CSMD1: variants seen among roughly 807,000 people sequenced by gnomAD.
CSMD1 encodes CUB and Sushi multiple domains 1.
In CSMD1, 213 loss-of-function variants were observed where a neutral mutation model predicts 417.5. The observed-to-expected ratio is 0.51, with a 90% CI of 0.46 to 0.57. The LOEUF is 0.57. CSMD1 is among the 20% of genes least tolerant of loss of function. The pLI is 0.00. For missense variants in CSMD1, 6,923 were observed against 4,529.7 expected, an observed-to-expected ratio of 1.53 and a Z score of -15.17; for synonymous variants, 2,862 against 1,736.8, an observed-to-expected ratio of 1.65 and a Z score of -16.11.
At chr8:3,470,650 C>G (rs555504292) in intron 11 of CSMD1, among the ~76,000 whole-genome samples, 2 of 152,120 alleles carry the variant, frequency 1.3e-5, no homozygotes, top group Non-Finnish European at 2.9e-5. Context: ...TGGTGCTCTT[C>G]CCTTAAAATC....
intron 3 of CSMD1, among the ~76,000 whole-genome samples, chr8:4,059,689 C>G (rs1033516550): frequency 1.3e-5 from 2 of 152,180 alleles, no homozygotes; most frequent in African/African-American, 2.4e-5. Context: ...ACTAGAAAAT[C>G]TAGAAGAAAT....
At chr8:3,682,357 C>T (rs191058834) in intron 7 of CSMD1, among the ~76,000 whole-genome samples, 9 of 152,226 alleles carry the variant, frequency 5.9e-5, no homozygotes, top group African/African-American at 2.2e-4. Context: ...AAAAAACAAG[C>T]AACCGCATCA....
At chr8:4,714,118 C>T (rs562698083) in intron 1 of CSMD1, among the ~76,000 whole-genome samples, 1 of 152,112 alleles carries the variant, frequency 6.6e-6, no homozygotes, top group African/African-American at 2.4e-5. Context: ...GCACTCCAGT[C>T]TGGGTGACAG....
chr8:3,273,890 G>A (rs556386126), intron 26 of CSMD1, among the ~76,000 whole-genome samples: 25 of 152,044 alleles, frequency 1.6e-4, no homozygotes, highest in African/African-American at 4.6e-4. Flanking sequence ...TCCTGGATTC[G>A]TTAATTTTTT....
At chr8:2,949,503 T>C in intron 67 of CSMD1, 117 bp from the exon 68 acceptor site, 1 of 475,748 alleles carries the variant, frequency 2.1e-6, no homozygotes, top group East Asian at 3.5e-5. Flanking sequence ...ATACTACTGG[T>C]TAAATGTTTT....
intron 2 of CSMD1, among the ~76,000 whole-genome samples, chr8:4,533,419 G>T (rs1234886875): frequency 6.6e-6 from 1 of 152,202 alleles, no homozygotes; most frequent in East Asian, 1.9e-4. Flanking sequence ...GACAAAAAAG[G>T]GGACTTTTGC....
chr8:4,804,138 A>G (rs17071420), intron 1 of CSMD1, among the ~76,000 whole-genome samples: 8,462 of 152,180 alleles, frequency 0.056, 390 homozygotes, highest in East Asian at 0.23. Flanking sequence ...TTTCCTTTAT[A>G]CATCAAAACT....
chr8:3,878,181 T>C (rs914845455), intron 5 of CSMD1, among the ~76,000 whole-genome samples: 1 of 152,158 alleles, frequency 6.6e-6, no homozygotes, highest in East Asian at 1.9e-4. Context: ...AAATGGAGAA[T>C]TCCAAATTTT....
chr8:3,423,237 G>T (rs536118478), intron 12 of CSMD1, among the ~76,000 whole-genome samples: 14 of 152,260 alleles, frequency 9.2e-5, no homozygotes, highest in East Asian at 5.8e-4. Context: ...TGACGAATTT[G>T]ACTAAAGGTT....
At chr8:4,933,998 C>CT (rs71515690) in intron 1 of CSMD1, among the ~76,000 whole-genome samples, 4,311 of 151,282 alleles carry the variant, frequency 0.028, 67 homozygotes, top group Middle Eastern at 0.08. Flanking sequence ...TACGTTTATG[C>CT]TTTTTTTTTA....
At chr8:4,269,054 CTTTTTGTTG>C (rs1804403554) in intron 3 of CSMD1, among the ~76,000 whole-genome samples, 4 of 152,206 alleles carry the variant, frequency 2.6e-5, no homozygotes, top group Admixed American at 2.6e-4. Flanking sequence ...TCATCTTCGT[CTTTTTGTTG>C]TTTTTGTTTT....
At chr8:4,651,655 C>A (rs1803902567) in intron 1 of CSMD1, among the ~76,000 whole-genome samples, 1 of 152,160 alleles carries the variant, frequency 6.6e-6, no homozygotes, top group Non-Finnish European at 1.5e-5. Context: ...TGGGATAATT[C>A]TCTTTCAATT....
chr8:4,787,033 G>C (rs1332352988), intron 1 of CSMD1, among the ~76,000 whole-genome samples: 2 of 152,220 alleles, frequency 1.3e-5, no homozygotes, highest in Non-Finnish European at 2.9e-5. Context: ...AGCAGATAGA[G>C]CAGTCACCAC....
intron 2 of CSMD1, among the ~76,000 whole-genome samples, chr8:4,617,581 A>G (rs1315199379): frequency 6.6e-6 from 1 of 152,098 alleles, no homozygotes; most frequent in Non-Finnish European, 1.5e-5. Flanking sequence ...ATCGATCCTG[A>G]GCAATATTTT....
At chr8:4,714,332 C>G (rs1205150994) in intron 1 of CSMD1, among the ~76,000 whole-genome samples, 1 of 151,966 alleles carries the variant, frequency 6.6e-6, no homozygotes. Context: ...CTCACACTTG[C>G]AAAGTTTGGG....
chr8:3,444,312 C>G (rs1482093835), intron 12 of CSMD1, among the ~76,000 whole-genome samples: 2 of 152,170 alleles, frequency 1.3e-5, no homozygotes, highest in Non-Finnish European at 2.9e-5. Context: ...ATCATCGACT[C>G]AGGAGTCAAG....
intron 8 of CSMD1, among the ~76,000 whole-genome samples, chr8:3,609,843 G>A (rs2929611): frequency 1.1e-5 from 1 of 89,964 alleles, no homozygotes; most frequent in African/African-American, 4.3e-5. Flanking sequence ...TTTTGAGACA[G>A]AGTCTTGCTC....
At chr8:3,971,458 G>A (rs9314508) in intron 5 of CSMD1, among the ~76,000 whole-genome samples, 2,592 of 152,188 alleles carry the variant, frequency 0.017, 77 homozygotes, top group African/African-American at 0.059. Context: ...TTCGACTAAT[G>A]CAATTGCAAG....
intron 59 of CSMD1, 79 bp from the exon 60 acceptor site, chr8:2,963,474 T>A: frequency 7.0e-7 from 1 of 1,434,236 alleles, no homozygotes; most frequent in Non-Finnish European, 9.7e-7. Flanking sequence ...CCCATTTTAA[T>A]TTTACCTGAA....
Sources: gnomAD v4.1 joint callset for allele counts (sites outside exome capture counted in the v4.1 genomes callset) on GRCh38, gnomAD v4.1.1 for gene constraint, MANE v1.5 for transcripts, NCBI Gene and HGNC (gene_info 2026-07-23, HGNC 2026-07-21) for gene names.